Variants in FGFR3 observed in about 807,000 individuals in gnomAD.
FGFR3 encodes fibroblast growth factor receptor 3, also known as FGFR-3.
Under a neutral mutation model 82.9 loss-of-function variants are expected in FGFR3, and 25 were observed. The observed-to-expected ratio is 0.30, with a 90% CI of 0.22 to 0.42. The LOEUF is 0.42. Among genes scored for constraint, FGFR3 ranks in the 10% least tolerant of loss-of-function variants. The pLI is 1.00. For missense variants in FGFR3, 1,026 were observed against 1,161.0 expected (o/e 0.88, Z 1.69); for synonymous variants, 620 against 516.0 (o/e 1.20, Z -2.73).
chr4:1,803,696 C>A lies in FGFR3; in HGVS notation c.935C>A (p.Ala312Glu), dbSNP rs778617562. ...CGCTCTGCTCTCTCTTTGTAGACGG[C>A]GGGCGCTAACACCACCGACAAGGAG... is the stretch of plus-strand genomic sequence containing the variant. ...GTPYVTVLKT[A>E]GANTTDKELE... The change falls in exon 8 of 18, where the codon GCG becomes GAG. Residue 312 changes from alanine (A) to glutamate (E), a missense_variant. Transcript: ENST00000440486. 1 of 1,613,520 alleles carries A rather than the reference C, an allele frequency of 6.2e-7. No individual in the cohort carries two copies. Among genetic ancestry groups the A allele is most frequent in the East Asian group, 2.2e-5 (1 of 44,870 alleles).
Position 1,804,955 on chromosome 4 carries a change from G to C in FGFR3, c.1398G>C (p.Glu466Asp). ...ELELPADPKW[E>D]LSRARLTLGK... The stretch of plus-strand genomic sequence containing the variant: ...AGCTGCCTGCCGACCCCAAATGGGA[G>C]CTGTCTCGGGCCCGGTCAGTGGTGC... The change falls in exon 10 of 18, where the codon GAG becomes GAC. Residue 466 changes from glutamate to aspartate, a missense_variant. Physicochemically the swap from Glu to Asp is conservative, Grantham distance 45. This residue lies in a region of FGFR3 where 22 missense variants were observed against 52.8 expected (regional missense o/e 0.42). Coordinates refer to ENST00000440486, the MANE Select transcript of FGFR3 (RefSeq NM_000142.5). 1 of 1,550,310 alleles carries C rather than the reference G, an allele frequency of 6.5e-7. No individual in the cohort carries two copies.
chr4:1,799,261 G>A lies in FGFR3; in HGVS notation c.117G>A (p.Pro39=), dbSNP rs376223299. 4.5e-5 allele frequency: 72 copies of A among 1,612,532 alleles called. No individual in the cohort carries two copies. The highest frequency in any genetic ancestry group is 2.5e-4 in the African/African-American group (19 of 75,072). ...TGCCCATCTTCCCCACAGAAGTCCC[G>A]GGCCCAGAGCCCGGCCAGCAGGAGC... ...QRVVGRAAEV[P]GPEPGQQEQL... is the part of the protein sequence containing the mutation. Residue 39 remains proline, a synonymous_variant, in exon 3 of 18, where the codon CCG becomes CCA. Coordinates refer to ENST00000440486, the MANE Select transcript of FGFR3 (RefSeq NM_000142.5).
In FGFR3 at chr4:1,807,096, A is replaced by T. The variant is rs935457410; in HGVS notation, c.2275-20A>T. 2 of 1,559,472 alleles carry T rather than the reference A, an allele frequency of 1.3e-6. No homozygotes were observed. Among genetic ancestry groups the T allele is most frequent in the African/African-American group, 2.7e-5 (2 of 73,202 alleles). On this transcript the variant is annotated intron_variant, in intron 17 of 17. Transcript: ENST00000440486. ...AGAGGGGCTCGGTGGCACAGCGCTC[A>T]CCCCGCCTCCCGCCAGCAGGAGTAC...
At position 1,799,747 on chromosome 4, in the gene FGFR3, AC is replaced by A. The variant is rs1423225365; in HGVS notation, c.381del (p.Asp127GlufsTer63). On this transcript the variant is annotated frameshift_variant and splice_region_variant, in exon 4 of 18. Transcript: ENST00000440486. LOFTEE classifies it high-confidence loss of function. Reference sequence around the variant, plus strand: ...GGTTGCGGCCATCTCTGCCTTGCAGACGCTCCATCCTCGGGAGATGACGAAG... The same window carrying A: ...GGTTGCGGCCATCTCTGCCTTGCAGAGCTCCATCCTCGGGAGATGACGAAG... Reference protein sequence around the residue: ...VLCHFSVRVTDAPSSGDDEDG... With the variant: ...VLCHFSVRVTXAPSSGDDEDG... 1 of 1,612,912 alleles carries A rather than the reference AC, an allele frequency of 6.2e-7. No homozygotes were observed. Among genetic ancestry groups the A allele is most frequent in the South Asian group, 1.1e-5 (1 of 91,054 alleles).
intron 7 of FGFR3, among the ~76,000 whole-genome samples, chr4:1,803,346 C>T (rs1413160896): frequency 6.6e-6 from 1 of 152,028 alleles, no homozygotes; most frequent in African/African-American, 2.4e-5. Context: ...CCCTTTGCGC[C>T]TCTCTCCACC....
At chr4:1,796,996 G>A (rs1720591624) in intron 2 of FGFR3, among the ~76,000 whole-genome samples, 1 of 152,176 alleles carries the variant, frequency 6.6e-6, no homozygotes, top group African/African-American at 2.4e-5. Flanking sequence ...GGCACTGTGT[G>A]GGGTTGGGGC....
At chr4:1,801,100 C>G (rs1015249649) in intron 4 of FGFR3, among the ~76,000 whole-genome samples, 1 of 152,204 alleles carries the variant, frequency 6.6e-6, no homozygotes, top group African/African-American at 2.4e-5. Flanking sequence ...GGTGGGCTCC[C>G]CTGGACAATG....
intron 7 of FGFR3, chr4:1,802,817 A>G (rs925193643): frequency 4.2e-6 from 6 of 1,423,722 alleles, no homozygotes; most frequent in Non-Finnish European, 4.6e-6. Flanking sequence ...GACGCAGCCC[A>G]GCCTCGATCT....
chr4:1,807,906 TA>T lies in FGFR3; in HGVS notation c.*645del, dbSNP rs775234937. On this transcript the variant is annotated 3_prime_UTR_variant, in exon 18 of 18. Coordinates refer to ENST00000440486, the MANE Select transcript of FGFR3 (RefSeq NM_000142.5). Reference sequence around the variant, plus strand: ...GCTGTGTATATGGTATATATACATATATATATATAACATATATGGAAGAGGA... The same window carrying T: ...GCTGTGTATATGGTATATATACATATTATATATAACATATATGGAAGAGGA... 1 of 331,170 alleles carries T rather than the reference TA, an allele frequency of 3.0e-6. No individual in the cohort carries two copies. The highest frequency in any genetic ancestry group is 5.7e-6 in the Non-Finnish European group (1 of 174,944). 20.5% of individuals were successfully genotyped at this position (331,170 alleles called of 1,614,324 possible).
Position 1,799,239 on chromosome 4 carries a change from C to T in FGFR3, c.110-15C>T. The T allele has an allele frequency of 1.2e-6, 2 of 1,612,074 alleles. No homozygotes were observed. Among genetic ancestry groups the T allele is most frequent in the Non-Finnish European group, 1.7e-6 (2 of 1,179,962 alleles). On this transcript the variant is annotated splice_polypyrimidine_tract_variant and intron_variant, in intron 2 of 17. Transcript: ENST00000440486. Reference sequence around the variant, plus strand: ...TTGGGGGTGCCTGCCTCATGGTTGCCCATCTTCCCCACAGAAGTCCCGGGC... The same window carrying T: ...TTGGGGGTGCCTGCCTCATGGTTGCTCATCTTCCCCACAGAAGTCCCGGGC...
intron 15 of FGFR3, 37 bp downstream of exon 15, chr4:1,806,364 G>T: frequency 6.2e-7 from 1 of 1,611,496 alleles, no homozygotes; most frequent in East Asian, 2.2e-5. Context: ...CAGGGGTGGA[G>T]GCGGGAACTG....
chr4:1,805,886 G>A lies in FGFR3; in HGVS notation c.1782G>A (p.Leu594=), dbSNP rs1275776449. 4.3e-6 allele frequency: 7 copies of A among 1,612,816 alleles called. No individual in the cohort carries two copies. The highest frequency in any genetic ancestry group is 5.1e-6 in the Non-Finnish European group (6 of 1,179,814). ...AGGAGCAGCTCACCTTCAAGGACCT[G>A]GTGTCCTGTGCCTACCAGGTGGCCC... ...PPEEQLTFKD[L]VSCAYQVARG... The change falls in exon 13 of 18, where the codon CTG becomes CTA. Residue 594 remains leucine, a synonymous_variant. Coordinates refer to ENST00000440486, the MANE Select transcript of FGFR3 (RefSeq NM_000142.5).
At chr4:1,801,155 G>A (rs529493263) in intron 4 of FGFR3, among the ~76,000 whole-genome samples, 1 of 152,334 alleles carries the variant, frequency 6.6e-6, no homozygotes, top group South Asian at 2.1e-4. Context: ...GCACCCTGGA[G>A]GGGAGGGGAG....
intron 4 of FGFR3, among the ~76,000 whole-genome samples, chr4:1,801,107 A>G (rs1721115803): frequency 6.6e-6 from 1 of 152,106 alleles, no homozygotes; most frequent in Non-Finnish European, 1.5e-5. Flanking sequence ...TCCCCTGGAC[A>G]ATGCCCTGTG....
At chr4:1,803,871 G>A (rs1721521497) in intron 8 of FGFR3, 35 bp downstream of exon 8, 8 of 1,604,124 alleles carry the variant, frequency 5.0e-6, no homozygotes, top group East Asian at 2.2e-5. Context: ...GCTCCGCACT[G>A]TCTGGGGGAC....
chr4:1,794,638 C>T (rs1217493813), intron 2 of FGFR3, among the ~76,000 whole-genome samples: 1 of 152,156 alleles, frequency 6.6e-6, no homozygotes, highest in Non-Finnish European at 1.5e-5. Flanking sequence ...CGTGTCCCAG[C>T]GTCGCGGGCC....
At chr4:1,802,433 GC>G (rs1458435805) in intron 7 of FGFR3, among the ~76,000 whole-genome samples, 1 of 152,208 alleles carries the variant, frequency 6.6e-6, no homozygotes, top group Non-Finnish European at 1.5e-5. Context: ...GTGCAGTGGG[GC>G]CCGAGCTCAC....
chr4:1,802,135 C>T (rs1014760565), intron 7 of FGFR3, 110 bp downstream of exon 7: 75 of 1,213,016 alleles, frequency 6.2e-5, no homozygotes, highest in South Asian at 4.2e-4. Context: ...GTTGGAGCTT[C>T]GGGGGCAGAA....
At chr4:1,803,273 C>T (rs1721431633) in intron 7 of FGFR3, 4 of 593,798 alleles carry the variant, frequency 6.7e-6, no homozygotes, top group Admixed American at 3.9e-5. Flanking sequence ...TTCCCGCACG[C>T]CTGCGACCCC....
Sources: gnomAD v4.1 joint callset for allele counts (sites outside exome capture counted in the v4.1 genomes callset) on GRCh38, gnomAD v4.1.1 for gene constraint, gnomAD v4.1.1 regional missense constraint, MANE v1.5 for transcripts, NCBI Gene and HGNC (gene_info 2026-07-23, HGNC 2026-07-21) for gene names.